The following CNTN3 variants were observed in gnomAD, a reference collection of about 807,000 sequenced individuals.
The protein encoded by CNTN3 is contactin-3.
Under a neutral mutation model 119.1 loss-of-function variants are expected in CNTN3, and 60 were observed. That is an observed-to-expected ratio of 0.50 (90% confidence interval 0.41 to 0.62). CNTN3 has a LOEUF of 0.62. Ranked by LOEUF, CNTN3 falls within the 20% of genes least tolerant of loss-of-function variation. CNTN3 has a pLI of 0.00. For synonymous variants in CNTN3, 450 were observed against 438.7 expected (o/e 1.03, Z -0.32); for missense variants, 1,101 against 1,242.4 (o/e 0.89, Z 1.71).
At chr3:74,469,788 G>A (rs568359675) in intron 4 of CNTN3, among the ~76,000 whole-genome samples, 18 of 152,288 alleles carry the variant, frequency 1.2e-4, no homozygotes, top group African/African-American at 4.1e-4. Context: ...AAAACAGTCT[G>A]CCGTTTACTT....
At chr3:74,520,206 C>CTTTTTTTTTTTTTTTTTTTTTG (rs1559643804) in intron 2 of CNTN3, among the ~76,000 whole-genome samples, 1 of 150,756 alleles carries the variant, frequency 6.6e-6, no homozygotes, top group African/African-American at 2.4e-5. Context: ...GACTTACTTT[C>CTTTTTTTTTTTTTTTTTTTTTG]AAATGGGTTA....
chr3:74,312,455 CAAAAAAAAAAAA>C (rs745514119), intron 13 of CNTN3, among the ~76,000 whole-genome samples: 3 of 27,804 alleles, frequency 1.1e-4, no homozygotes, highest in South Asian at 2.1e-3. Flanking sequence ...GACTCCATCT[CAAAAAAAAAAAA>C]AAAAAAAAAA....
chr3:74,486,494 C>A lies in CNTN3; in HGVS notation c.320G>T (p.Gly107Val). The change falls in exon 4 of 23, where the codon GGA becomes GTA. Residue 107 changes from glycine (G) to valine (V), a missense_variant. Gly to Val is a moderately radical substitution (Grantham distance 109). Coordinates refer to ENST00000263665, the MANE Select transcript of CNTN3 (RefSeq NM_020872.3). The part of the protein sequence containing the change: ...TYQCFATNSL[G>V]TIVSREAKLQ... ...TTTGGCTTCTCTGCTGACAATTGTT[C>A]CAAGTGAATTTGTTGCAAAACATTG... 1 of 1,606,920 alleles carries A rather than the reference C, an allele frequency of 6.2e-7. No homozygotes were observed. Among genetic ancestry groups the A allele is most frequent in the South Asian group, 1.1e-5 (1 of 89,054 alleles).
chr3:74,373,971 A>C (rs1704405956), intron 5 of CNTN3, among the ~76,000 whole-genome samples: 2 of 152,118 alleles, frequency 1.3e-5, no homozygotes. Context: ...TAAAGCACAG[A>C]ACACAGTTGA....
intron 20 of CNTN3, among the ~76,000 whole-genome samples, chr3:74,274,896 T>A (rs1701850318): frequency 6.6e-6 from 1 of 151,338 alleles, no homozygotes; most frequent in African/African-American, 2.4e-5. Flanking sequence ...TACAAGGAAA[T>A]CCAAAAAATG....
chr3:74,487,835 A>G (rs1426748789), intron 3 of CNTN3, among the ~76,000 whole-genome samples: 2 of 152,090 alleles, frequency 1.3e-5, no homozygotes, highest in African/African-American at 4.8e-5. Flanking sequence ...AACATGGCTG[A>G]CTCAAGCAAT....
At chr3:74,395,120 C>T (rs12494066) in intron 5 of CNTN3, among the ~76,000 whole-genome samples, 60,608 of 151,810 alleles carry the variant, frequency 0.4, 12,796 homozygotes, top group East Asian at 0.65. Context: ...TGCTTCCCTA[C>T]AATGTCTTTT....
Position 74,366,780 on chromosome 3 carries a change from G to GTGTGTGTATA in CNTN3, c.947-1079_947-1078insTATACACACA, listed in dbSNP as rs1447686332. Among the ~76,000 whole-genome samples the GTGTGTGTATA allele has an allele frequency of 9.4e-5, 6 of 63,714 alleles. No homozygotes were observed. In the Admixed American group the frequency reaches 1.1e-3, roughly 12 times the overall value. 41.8% of individuals were successfully genotyped at this position (63,714 alleles called of 152,430 possible). On this transcript the variant is annotated intron_variant, in intron 8 of 22. Transcript: ENST00000263665. ...TGTGCGTGTGTGTGTGTGTGTGTGT[G>GTGTGTGTATA]TATATATATATATATATATATATAT...
rs535055411 is a variant in CNTN3 at position 74,443,853 on chromosome 3, A to AG, written c.359-18914dup. Among the ~76,000 whole-genome samples the AG allele has an allele frequency of 7.9e-4, 121 of 152,252 alleles. 1 individual carries two copies. The highest frequency in any genetic ancestry group is 2.8e-3 in the African/African-American group (115 of 41,552). ...CACAATACTTAGTGGGTGGTGCATC[A>AG]GTTTTCCAGGGCTGCCACAGCAAAG... On this transcript the variant is annotated intron_variant, in intron 4 of 22. Coordinates refer to ENST00000263665, the MANE Select transcript of CNTN3 (RefSeq NM_020872.3).
At chr3:74,579,976 T>C (rs1287370987) in intron 1 of CNTN3, among the ~76,000 whole-genome samples, 1 of 152,084 alleles carries the variant, frequency 6.6e-6, no homozygotes, top group Non-Finnish European at 1.5e-5. Context: ...GTAGAATTGA[T>C]AAGTCATTAC....
chr3:74,569,051 A>T (rs1704270153), intron 1 of CNTN3, among the ~76,000 whole-genome samples: 1 of 152,198 alleles, frequency 6.6e-6, no homozygotes, highest in Non-Finnish European at 1.5e-5. Flanking sequence ...GGAGGCTTTA[A>T]GCCCGGAGCC....
rs559016299 is a variant in CNTN3 at position 74,267,198 on chromosome 3, T to C, written c.2817+68A>G. Reference sequence around the variant, plus strand: ...ATCAATATATAGAAAAATTCACTTATACCTAGCTTCTCTTGAAAAGTACTG... The same window carrying C: ...ATCAATATATAGAAAAATTCACTTACACCTAGCTTCTCTTGAAAAGTACTG... On this transcript the variant is annotated intron_variant, in intron 21 of 22. Transcript: ENST00000263665. 1.1e-5 allele frequency: 10 copies of C among 933,426 alleles called. No homozygotes were observed. In the South Asian group the frequency reaches 1.1e-4, roughly 10 times the overall value. 57.8% of individuals were successfully genotyped at this position (933,426 alleles called of 1,614,324 possible).
intron 1 of CNTN3, among the ~76,000 whole-genome samples, chr3:74,591,588 G>A (rs1038110380): frequency 6.6e-6 from 1 of 151,754 alleles, no homozygotes; most frequent in Non-Finnish European, 1.5e-5. Flanking sequence ...TGGAAGCGGG[G>A]AAACAGCTGG....
chr3:74,484,708 G>A (rs939312452), intron 4 of CNTN3, among the ~76,000 whole-genome samples: 1 of 152,082 alleles, frequency 6.6e-6, no homozygotes, highest in Non-Finnish European at 1.5e-5. Flanking sequence ...ACAAGGGGTG[G>A]TGGTGAACTC....
chr3:74,508,825 G>GC (rs1174364627), intron 2 of CNTN3, among the ~76,000 whole-genome samples: 1 of 152,086 alleles, frequency 6.6e-6, no homozygotes, highest in African/African-American at 2.4e-5. Flanking sequence ...TGCCACCAGT[G>GC]CCCCAGATTA....
At chr3:74,351,737 G>C (rs936304973) in intron 11 of CNTN3, among the ~76,000 whole-genome samples, 24 of 152,158 alleles carry the variant, frequency 1.6e-4, no homozygotes, top group African/African-American at 5.8e-4. Context: ...GTATATGCTG[G>C]TGGTGGAGGG....
At chr3:74,389,781 C>T (rs1345509877) in intron 5 of CNTN3, among the ~76,000 whole-genome samples, 1 of 152,170 alleles carries the variant, frequency 6.6e-6, no homozygotes, top group African/African-American at 2.4e-5. Context: ...CACAAACTAA[C>T]TCAGACTGGC....
intron 4 of CNTN3, among the ~76,000 whole-genome samples, chr3:74,475,852 G>T (rs1329496297): frequency 1.5e-4 from 23 of 152,128 alleles, no homozygotes. Flanking sequence ...TTCCTCATAT[G>T]CACATTCCCA....
intron 4 of CNTN3, among the ~76,000 whole-genome samples, chr3:74,436,058 T>C (rs74429157): frequency 0.061 from 9,356 of 152,264 alleles, 406 homozygotes; most frequent in South Asian, 0.14. Context: ...CATTCAATTA[T>C]TCAACAGATG....
Sources: gnomAD v4.1 joint callset for allele counts (sites outside exome capture counted in the v4.1 genomes callset) on GRCh38, gnomAD v4.1.1 for gene constraint, MANE v1.5 for transcripts, NCBI Gene and HGNC (gene_info 2026-07-23, HGNC 2026-07-21) for gene names.